The following MCOLN3 variants were observed in gnomAD, a reference collection of about 807,000 sequenced individuals.
MCOLN3 encodes mucolipin TRP cation channel 3.
A neutral mutation model predicts 69.4 loss-of-function variants in MCOLN3; 62 were observed. That is an observed-to-expected ratio of 0.89 (90% CI 0.73 to 1.10). The LOEUF (loss-of-function observed/expected upper bound fraction) is 1.10, where lower values mean the gene tolerates loss of function less well. Among genes scored for constraint, MCOLN3 ranks in the 50% least tolerant of loss-of-function variants. The pLI is 0.00. For missense variants in MCOLN3, 564 were observed against 656.4 expected, an observed-to-expected ratio of 0.86 and a Z score of 1.54; for synonymous variants, 183 against 217.0, an observed-to-expected ratio of 0.84 and a Z score of 1.38.
At chr1:85,021,923 A>G in intron 11 of MCOLN3, 147 bp downstream of exon 11, 1 of 997,116 alleles carries the variant, frequency 1.0e-6, no homozygotes, top group South Asian at 1.7e-5. Flanking sequence ...ACACCCTTTC[A>G]CTTTATAAAT....
chr1:85,021,854 T>C (rs1198854750), intron 11 of MCOLN3, among the ~76,000 whole-genome samples: 2 of 152,196 alleles, frequency 1.3e-5, no homozygotes, highest in African/African-American at 2.4e-5. Context: ...AATTACCTGA[T>C]ATATTGCAAG....
At chr1:85,028,939 T>G (rs939373236) in intron 7 of MCOLN3, among the ~76,000 whole-genome samples, 167 bp downstream of exon 7, 1 of 152,172 alleles carries the variant, frequency 6.6e-6, no homozygotes, top group African/African-American at 2.4e-5. Flanking sequence ...TATTCATGAC[T>G]CACATATTGC....
intron 3 of MCOLN3, chr1:85,036,880 G>T (rs1024072781): frequency 6.6e-6 from 1 of 152,062 alleles, no homozygotes; most frequent in African/African-American, 2.4e-5. Context: ...TAAACCAAAA[G>T]ATTTTAGTTA....
At position 85,018,998 on chromosome 1, in the gene MCOLN3, T is replaced by C; in HGVS notation, c.*125A>G. The C allele has an allele frequency of 2.4e-6, 2 of 817,548 alleles. No homozygotes were observed. The highest frequency in any genetic ancestry group is 5.6e-5 in the East Asian group (2 of 35,852). 50.6% of individuals were successfully genotyped at this position (817,548 alleles called of 1,614,324 possible). A position where few individuals can be genotyped will look rare whatever the true frequency, so the allele number is the denominator to read the frequency against. ...AAAAATATAAACAGTTATTGGTGAA[T>C]TATAGGTCTCAATTAGCTCAAAATA... On this transcript the variant is annotated 3_prime_UTR_variant, in exon 13 of 13. Coordinates refer to ENST00000370589, the MANE Select transcript of MCOLN3 (RefSeq NM_018298.11).
intron 9 of MCOLN3, chr1:85,025,124 G>GA (rs2102919911): frequency 6.6e-6 from 1 of 152,338 alleles, no homozygotes; most frequent in East Asian, 1.9e-4. Context: ...GGGTGGCAGA[G>GA]AAACAAAATG....
At chr1:85,020,845 T>C (rs59019108) in intron 12 of MCOLN3, among the ~76,000 whole-genome samples, 8,008 of 152,318 alleles carry the variant, frequency 0.053, 240 homozygotes, top group African/African-American at 0.08. Context: ...TAATAAAAGG[T>C]TAGAAAGCTT....
At chr1:85,045,831 C>T (rs943962596) in intron 1 of MCOLN3, among the ~76,000 whole-genome samples, 1 of 152,122 alleles carries the variant, frequency 6.6e-6, no homozygotes, top group Non-Finnish European at 1.5e-5. Context: ...TGTTTAAAAC[C>T]ACCGAGTTAA....
At chr1:85,022,022 C>G (rs760388652) in intron 11 of MCOLN3, 48 bp downstream of exon 11, 1 of 1,576,316 alleles carries the variant, frequency 6.3e-7, no homozygotes, top group East Asian at 2.3e-5. Context: ...GCCACTGGCA[C>G]TATGCTAAAA....
In MCOLN3 at chr1:85,019,002, A is replaced by G; in HGVS notation, c.*121T>C. ...ATATAAACAGTTATTGGTGAATTATAGGTCTCAATTAGCTCAAAATAACAG... is the reference window on the plus strand; with the variant it reads ...ATATAAACAGTTATTGGTGAATTATGGGTCTCAATTAGCTCAAAATAACAG... On this transcript the variant is annotated 3_prime_UTR_variant, in exon 13 of 13. Transcript: ENST00000370589. The G allele has an allele frequency of 1.2e-6, 1 of 832,826 alleles. No individual in the cohort carries two copies. Among genetic ancestry groups the G allele is most frequent in the Non-Finnish European group, 1.8e-6 (1 of 557,364 alleles). 51.6% of individuals were successfully genotyped at this position (832,826 alleles called of 1,614,324 possible). A position where few individuals can be genotyped will look rare whatever the true frequency, so the allele number is the denominator to read the frequency against.
intron 9 of MCOLN3, among the ~76,000 whole-genome samples, chr1:85,023,719 A>G (rs1652070105): frequency 6.6e-6 from 1 of 152,222 alleles, no homozygotes; most frequent in East Asian, 1.9e-4. Context: ...GCTGTGGGAC[A>G]GGATGAGATT....
chr1:85,028,255 C>T (rs989311662), intron 7 of MCOLN3, among the ~76,000 whole-genome samples: 1 of 152,158 alleles, frequency 6.6e-6, no homozygotes, highest in Non-Finnish European at 1.5e-5. Flanking sequence ...CTCATTATTA[C>T]GTCTGAACTT....
chr1:85,019,340 C>G, intron 12 of MCOLN3, 83 bp from the exon 13 acceptor site: 1 of 1,379,896 alleles, frequency 7.2e-7, no homozygotes, highest in Non-Finnish European at 1.0e-6. Context: ...GATCATTTGG[C>G]AAGGGAGGGG....
chr1:85,024,174 G>A (rs997088493), intron 9 of MCOLN3, among the ~76,000 whole-genome samples: 1 of 152,048 alleles, frequency 6.6e-6, no homozygotes, highest in East Asian at 1.9e-4. Context: ...AAAAACAGGT[G>A]GGGGAGGGGA....
At position 85,031,164 on chromosome 1, in the gene MCOLN3, C is replaced by T. The variant is rs185250890; in HGVS notation, c.732+1532G>A. The stretch of plus-strand genomic sequence containing the variant: ...CGTGTGCCTGTAGTCCCAGCTACTC[C>T]GGAGGCTGAGGCAGGAGAATCGCTT... On this transcript the variant is annotated intron_variant, in intron 6 of 12. Coordinates refer to ENST00000370589, the MANE Select transcript of MCOLN3 (RefSeq NM_018298.11). Among the ~76,000 whole-genome samples, 394 of 151,204 alleles carry T rather than the reference C, an allele frequency of 2.6e-3. 4 individuals carry two copies. Among genetic ancestry groups the T allele is most frequent in the African/African-American group, 9.1e-3 (373 of 41,156 alleles).
chr1:85,030,931 G>GT (rs1652477983), intron 6 of MCOLN3, among the ~76,000 whole-genome samples: 1 of 152,148 alleles, frequency 6.6e-6, no homozygotes, highest in African/African-American at 2.4e-5. Context: ...GCTAGAAAGG[G>GT]TATTGGGGAG....
chr1:85,045,037 A>G lies in MCOLN3; in HGVS notation c.228+96T>C, dbSNP rs552885231. On this transcript the variant is annotated intron_variant, in intron 2 of 12. Coordinates refer to ENST00000370589, the MANE Select transcript of MCOLN3 (RefSeq NM_018298.11). ...TATCTGTTACTCTTCAACATTTTGC[A>G]TATAGTTAAAAGTTATTTAAAAAAA... The G allele has an allele frequency of 1.0e-5, 9 of 857,446 alleles. No homozygotes were observed. The African/African-American group carries it at 1.5e-4, about 15-fold the overall frequency. The allele number at this position is 857,446 out of a possible 1,614,324, so 53.1% of individuals were successfully genotyped here. A position where few individuals can be genotyped will look rare whatever the true frequency, so the allele number is the denominator to read the frequency against.
At chr1:85,046,274 A>T (rs1393906809) in intron 1 of MCOLN3, among the ~76,000 whole-genome samples, 1 of 145,876 alleles carries the variant, frequency 6.9e-6, no homozygotes, top group African/African-American at 2.6e-5. Flanking sequence ...CCTTATATTT[A>T]TAGCATATTT....
At chr1:85,047,020 G>A (rs1221013853) in intron 1 of MCOLN3, among the ~76,000 whole-genome samples, 1 of 152,142 alleles carries the variant, frequency 6.6e-6, no homozygotes, top group Non-Finnish European at 1.5e-5. Flanking sequence ...CAGCATTTAA[G>A]GAGACTTTAT....
At chr1:85,038,860 T>G (rs1652925768) in intron 3 of MCOLN3, among the ~76,000 whole-genome samples, 1 of 151,998 alleles carries the variant, frequency 6.6e-6, no homozygotes. Context: ...CTGGGGGTAG[T>G]GACGGGAGCC....
Sources: gnomAD v4.1 joint callset for allele counts (sites outside exome capture counted in the v4.1 genomes callset) on GRCh38, gnomAD v4.1.1 for gene constraint, MANE v1.5 for transcripts, NCBI Gene and HGNC (gene_info 2026-07-23, HGNC 2026-07-21) for gene names.